BABAM2: variants seen among roughly 807,000 people sequenced by gnomAD.
BABAM2 encodes the protein BRISC and BRCA1-A complex member 2.
Under a neutral mutation model 54.7 loss-of-function variants are expected in BABAM2, and 31 were observed. The observed-to-expected ratio is 0.57, with a 90% CI of 0.43 to 0.77. The LOEUF (loss-of-function observed/expected upper bound fraction) is 0.77, where lower values mean the gene tolerates loss of function less well. Among genes scored for constraint, BABAM2 ranks in the 30% least tolerant of loss-of-function variants. BABAM2 has a pLI of 0.00. For synonymous variants in BABAM2, 167 were observed against 162.9 expected, an observed-to-expected ratio of 1.03 and a Z score of -0.19; for missense variants, 364 against 455.8, an observed-to-expected ratio of 0.80 and a Z score of 1.83.
At chr2:28,198,356 C>T (rs780398437) in intron 7 of BABAM2, among the ~76,000 whole-genome samples, 16 of 152,124 alleles carry the variant, frequency 1.1e-4, no homozygotes, top group Non-Finnish European at 2.1e-4. Flanking sequence ...TTAGTAGAGA[C>T]GGGGTTTCAC....
chr2:27,982,779 C>T (rs1573322526), intron 3 of BABAM2, among the ~76,000 whole-genome samples: 1 of 151,330 alleles, frequency 6.6e-6, no homozygotes, highest in Non-Finnish European at 1.5e-5. Context: ...CGTCAATATT[C>T]ATTCATGTTG....
intron 10 of BABAM2, among the ~76,000 whole-genome samples, chr2:28,249,693 T>C (rs1273423354): frequency 6.6e-6 from 1 of 152,072 alleles, no homozygotes; most frequent in Admixed American, 6.6e-5. Flanking sequence ...CAGACTGGAG[T>C]GCAGTGGTGC....
chr2:28,124,695 A>G (rs1669353614), intron 6 of BABAM2, among the ~76,000 whole-genome samples: 1 of 152,186 alleles, frequency 6.6e-6, no homozygotes, highest in Non-Finnish European at 1.5e-5. Context: ...CTGTGCTAAG[A>G]TCCTGCTCTT....
chr2:28,163,356 T>C (rs545667105), intron 7 of BABAM2, among the ~76,000 whole-genome samples: 5 of 152,304 alleles, frequency 3.3e-5, no homozygotes, highest in Admixed American at 1.3e-4. Context: ...ATGTGACCTC[T>C]TGTGTTATGT....
chr2:28,106,450 G>T (rs1217719539), intron 6 of BABAM2, among the ~76,000 whole-genome samples: 1 of 152,206 alleles, frequency 6.6e-6, no homozygotes, highest in African/African-American at 2.4e-5. Context: ...TGTTTCACTA[G>T]TGTGTAATAG....
chr2:28,074,018 C>T (rs1318160672), intron 6 of BABAM2, among the ~76,000 whole-genome samples: 1 of 151,432 alleles, frequency 6.6e-6, no homozygotes, highest in African/African-American at 2.4e-5. Context: ...TATACACACA[C>T]ATATATACAC....
chr2:27,952,561 G>A (rs1205085666), intron 3 of BABAM2, among the ~76,000 whole-genome samples: 1 of 152,182 alleles, frequency 6.6e-6, no homozygotes, highest in Non-Finnish European at 1.5e-5. Flanking sequence ...ATGTATTTAT[G>A]TTTGTTTTGA....
chr2:28,257,427 G>A (rs77652333), intron 10 of BABAM2, among the ~76,000 whole-genome samples: 2,257 of 152,260 alleles, frequency 0.015, 46 homozygotes, highest in African/African-American at 0.052. Context: ...TTTTGTTTTC[G>A]ATTTCTTTTA....
chr2:27,990,255 C>G (rs1309595634), intron 4 of BABAM2, among the ~76,000 whole-genome samples: 3 of 152,140 alleles, frequency 2.0e-5, no homozygotes, highest in Non-Finnish European at 2.9e-5. Context: ...GAAGGTTGCT[C>G]TTGATGGTTA....
chr2:28,315,446 C>A (rs1572402801), intron 11 of BABAM2, among the ~76,000 whole-genome samples: 1 of 111,758 alleles, frequency 8.9e-6, no homozygotes, highest in South Asian at 2.7e-4. Flanking sequence ...CTTTTCTTTT[C>A]TTTTCTTTTC....
At chr2:27,914,098 G>C (rs1666792942) in intron 2 of BABAM2, among the ~76,000 whole-genome samples, 1 of 152,108 alleles carries the variant, frequency 6.6e-6, no homozygotes, top group East Asian at 1.9e-4. Flanking sequence ...CAGAATTATA[G>C]AATTTCAGGA....
chr2:28,124,714 AT>A (rs1669356414), intron 6 of BABAM2, among the ~76,000 whole-genome samples: 1 of 152,176 alleles, frequency 6.6e-6, no homozygotes, highest in Non-Finnish European at 1.5e-5. Flanking sequence ...TTACCCACTT[AT>A]CCCCCTCCTC....
chr2:27,951,927 T>C (rs1193103568), intron 3 of BABAM2, among the ~76,000 whole-genome samples: 3 of 152,208 alleles, frequency 2.0e-5, no homozygotes, highest in African/African-American at 7.2e-5. Flanking sequence ...GTGTACCATA[T>C]CTTTATTGAG....
At chr2:28,001,435 C>T (rs145742534) in intron 4 of BABAM2, among the ~76,000 whole-genome samples, 1 of 152,084 alleles carries the variant, frequency 6.6e-6, no homozygotes, top group African/African-American at 2.4e-5. Flanking sequence ...TATTGAATAC[C>T]TCATATTTAG....
At chr2:27,998,024 G>C (rs1458001433) in intron 4 of BABAM2, among the ~76,000 whole-genome samples, 1 of 152,034 alleles carries the variant, frequency 6.6e-6, no homozygotes, top group Non-Finnish European at 1.5e-5. Context: ...ATGGTGGCGC[G>C]CACCTGTAAT....
chr2:28,156,519 A>G (rs1200657307), intron 7 of BABAM2, among the ~76,000 whole-genome samples: 1 of 152,186 alleles, frequency 6.6e-6, no homozygotes, highest in African/African-American at 2.4e-5. Flanking sequence ...GTCTATTTAA[A>G]GAATACTAAG....
intron 6 of BABAM2, among the ~76,000 whole-genome samples, chr2:28,055,120 G>A (rs1678295982): frequency 1.3e-5 from 2 of 152,158 alleles, no homozygotes; most frequent in Non-Finnish European, 2.9e-5. Flanking sequence ...CAACAACAGC[G>A]ATGGAGCTGG....
chr2:28,051,026 T>C (rs560964112), intron 6 of BABAM2, among the ~76,000 whole-genome samples: 4 of 152,328 alleles, frequency 2.6e-5, no homozygotes, highest in African/African-American at 9.6e-5. Context: ...TAGCAGGTAG[T>C]CTTAATCCCC....
At chr2:27,985,870 A>G (rs949581223) in intron 3 of BABAM2, among the ~76,000 whole-genome samples, 2 of 152,210 alleles carry the variant, frequency 1.3e-5, no homozygotes, top group African/African-American at 4.8e-5. Flanking sequence ...TAATAGAGCA[A>G]TAAAACAATA....
Sources: allele counts gnomAD v4.1 joint callset (sites outside exome capture counted in the v4.1 genomes callset), GRCh38; gene constraint gnomAD v4.1.1; transcripts MANE v1.5; gene names NCBI Gene and HGNC (gene_info 2026-07-23, HGNC 2026-07-21).